The following NCOA2 variants were observed in gnomAD, a reference collection of about 807,000 sequenced individuals.
NCOA2 encodes nuclear receptor coactivator 2.
NCOA2 carries 21 observed loss-of-function variants against 145.1 expected under a neutral mutation model. The observed-to-expected ratio is 0.14, with a 90% CI of 0.10 to 0.21. The LOEUF is 0.21. Among genes scored for constraint, NCOA2 ranks in the 10% least tolerant of loss-of-function variants. NCOA2 has a pLI of 1.00. For synonymous variants in NCOA2, 619 were observed against 637.5 expected (o/e 0.97, Z 0.44); for missense variants, 1,472 against 1,837.6 (o/e 0.80, Z 3.64).
intron 2 of NCOA2, among the ~76,000 whole-genome samples, chr8:70,275,358 C>T (rs997133721): frequency 6.6e-6 from 1 of 151,970 alleles, no homozygotes; most frequent in Non-Finnish European, 1.5e-5. Flanking sequence ...TATAGTTGTT[C>T]AGCTTATTAA....
intron 18 of NCOA2, among the ~76,000 whole-genome samples, chr8:70,127,894 T>C (rs184607768): frequency 2.4e-4 from 37 of 152,334 alleles, no homozygotes; most frequent in Admixed American, 6.5e-4. Flanking sequence ...CCAAGATTTT[T>C]GCATTTTTTG....
chr8:70,159,086 T>C (rs1812596462), intron 10 of NCOA2, among the ~76,000 whole-genome samples: 1 of 151,390 alleles, frequency 6.6e-6, no homozygotes, highest in Non-Finnish European at 1.5e-5. Flanking sequence ...GATGCTCAAG[T>C]CCCTGAAATT....
At chr8:70,296,140 C>T (rs1225781763) in intron 2 of NCOA2, among the ~76,000 whole-genome samples, 2 of 152,038 alleles carry the variant, frequency 1.3e-5, no homozygotes, top group African/African-American at 2.4e-5. Flanking sequence ...GAAATGGTCC[C>T]GATGTTCATG....
At chr8:70,430,571 T>C in the NCOA2 span, among the ~76,000 whole-genome samples, 2 of 152,232 alleles carry the variant, frequency 1.3e-5, no homozygotes, top group Non-Finnish European at 2.9e-5. Context: ...TTTCCTGCCC[T>C]CTACCCCCTT....
chr8:70,125,724 G>A (rs543165026), intron 19 of NCOA2, among the ~76,000 whole-genome samples: 1 of 152,174 alleles, frequency 6.6e-6, no homozygotes, highest in Non-Finnish European at 1.5e-5. Flanking sequence ...TCTTTATAAA[G>A]AGCTCTGTGG....
At chr8:70,308,596 A>C (rs1312767501) in intron 1 of NCOA2, among the ~76,000 whole-genome samples, 3 of 152,128 alleles carry the variant, frequency 2.0e-5, no homozygotes, top group Non-Finnish European at 4.4e-5. Flanking sequence ...TCCATGGGGG[A>C]AATTCATTTG....
intron 1 of NCOA2, among the ~76,000 whole-genome samples, chr8:70,389,095 A>G (rs1413233382): frequency 6.6e-6 from 1 of 152,172 alleles, no homozygotes; most frequent in Non-Finnish European, 1.5e-5. Context: ...TTTTACAATA[A>G]TATCACTGTC....
intron 2 of NCOA2, among the ~76,000 whole-genome samples, chr8:70,224,027 A>G (rs771740800): frequency 4.6e-5 from 7 of 152,234 alleles, no homozygotes; most frequent in Non-Finnish European, 1.0e-4. Context: ...ATATGTTAGA[A>G]TCATGTATCC....
At position 70,382,621 on chromosome 8, in the gene NCOA2, T is replaced by C. The variant is rs550205716; in HGVS notation, c.-77+21079A>G. ...GGAGGGAAGCTAGTAGATATCTATT[T>C]TGAATGAAAATTATAATTTGTAAAA... On this transcript the variant is annotated intron_variant, in intron 1 of 22. Transcript: ENST00000452400. 4.6e-5 allele frequency among the ~76,000 whole-genome samples: 7 copies of C among 152,322 alleles called. No individual in the cohort carries two copies. In the South Asian group the frequency reaches 1.0e-3, roughly 23 times the overall value.
chr8:70,181,505 T>C (rs1815476129), intron 4 of NCOA2, among the ~76,000 whole-genome samples: 1 of 152,222 alleles, frequency 6.6e-6, no homozygotes, highest in Non-Finnish European at 1.5e-5. Flanking sequence ...AGACTGCCCA[T>C]GTTTACAGAT....
chr8:70,382,882 T>TAA (rs1270806076), intron 1 of NCOA2, among the ~76,000 whole-genome samples: 1 of 152,238 alleles, frequency 6.6e-6, no homozygotes, highest in Non-Finnish European at 1.5e-5. Context: ...CTTTTCCTGC[T>TAA]AAAAGCTCAA....
intron 4 of NCOA2, among the ~76,000 whole-genome samples, chr8:70,205,947 C>T (rs1818389441): frequency 6.6e-6 from 1 of 152,152 alleles, no homozygotes; most frequent in Non-Finnish European, 1.5e-5. Flanking sequence ...AGATACTATG[C>T]CCCAGCAATC....
intron 4 of NCOA2, among the ~76,000 whole-genome samples, chr8:70,198,223 A>G (rs1259156466): frequency 2.0e-5 from 3 of 152,162 alleles, no homozygotes; most frequent in African/African-American, 7.2e-5. Flanking sequence ...GGTAATAGGG[A>G]GTTTTTTGTG....
chr8:70,247,698 G>A (rs1351172927), intron 2 of NCOA2, among the ~76,000 whole-genome samples: 6 of 152,216 alleles, frequency 3.9e-5, no homozygotes, highest in East Asian at 3.8e-4. Context: ...TAGAGAGAGC[G>A]TGAGGTCACA....
At chr8:70,294,362 T>C (rs990654373) in intron 2 of NCOA2, among the ~76,000 whole-genome samples, 2 of 152,180 alleles carry the variant, frequency 1.3e-5, no homozygotes, top group South Asian at 2.1e-4. Context: ...ATTTCTAATA[T>C]TGCATGAGAG....
intron 2 of NCOA2, among the ~76,000 whole-genome samples, chr8:70,259,693 T>TA (rs1307201744): frequency 2.6e-5 from 4 of 152,196 alleles, no homozygotes; most frequent in African/African-American, 4.8e-5. Context: ...TTTAGAGTCT[T>TA]AGACACTTAA....
intron 1 of NCOA2, among the ~76,000 whole-genome samples, chr8:70,370,032 T>C (rs755616504): frequency 6.6e-6 from 1 of 151,912 alleles, no homozygotes; most frequent in Non-Finnish European, 1.5e-5. Flanking sequence ...ACCACAGGGG[T>C]GTGCCACCAC....
chr8:70,315,776 A>G (rs529653577), intron 1 of NCOA2, among the ~76,000 whole-genome samples: 1 of 152,144 alleles, frequency 6.6e-6, no homozygotes, highest in Non-Finnish European at 1.5e-5. Flanking sequence ...CTAATAGCAA[A>G]CCCACATTCC....
chr8:70,212,699 A>G (rs1400649417), intron 4 of NCOA2, among the ~76,000 whole-genome samples: 1 of 152,216 alleles, frequency 6.6e-6, no homozygotes, highest in Non-Finnish European at 1.5e-5. Context: ...TTATAAAGAC[A>G]AAGATATTAT....
Sources: gnomAD v4.1 joint callset for allele counts (sites outside exome capture counted in the v4.1 genomes callset) on GRCh38, gnomAD v4.1.1 for gene constraint, MANE v1.5 for transcripts, NCBI Gene and HGNC (gene_info 2026-07-23, HGNC 2026-07-21) for gene names.